Variants in TRIO observed in about 807,000 individuals in gnomAD.
TRIO encodes the protein triple functional domain protein.
Under a neutral mutation model 351.9 loss-of-function variants are expected in TRIO, and 58 were observed. The observed-to-expected ratio is 0.16, with a 90% CI of 0.13 to 0.21. TRIO has a LOEUF of 0.21. Among genes scored for constraint, TRIO ranks in the 10% least tolerant of loss-of-function variants. The pLI is 1.00. For missense variants in TRIO, 3,201 were observed against 4,027.8 expected (o/e 0.79, Z 5.56); for synonymous variants, 1,758 against 1,595.7 (o/e 1.10, Z -2.42).
At chr5:14,493,519 C>T (rs1267741143) in intron 49 of TRIO, among the ~76,000 whole-genome samples, 1 of 152,212 alleles carries the variant, frequency 6.6e-6, no homozygotes, top group Non-Finnish European at 1.5e-5. Context: ...GAACTGCACA[C>T]ATACAAGATG....
At chr5:14,364,892 A>C (rs921457039) in intron 15 of TRIO, 76 bp downstream of exon 15, 11 of 1,499,504 alleles carry the variant, frequency 7.3e-6, no homozygotes, top group Middle Eastern at 2.5e-4. Flanking sequence ...GGAAATTCTG[A>C]CCTGTAGCAT....
chr5:14,249,376 T>G (rs1334995496), intron 1 of TRIO, among the ~76,000 whole-genome samples: 2 of 152,092 alleles, frequency 1.3e-5, no homozygotes, highest in Non-Finnish European at 2.9e-5. Flanking sequence ...CAAATGCCAG[T>G]TTACAGAGTG....
intron 34 of TRIO, among the ~76,000 whole-genome samples, chr5:14,436,254 A>G (rs32692): frequency 0.51 from 77,423 of 152,110 alleles, 22,735 homozygotes; most frequent in African/African-American, 0.81. Flanking sequence ...CAGGCAAAGC[A>G]AGAGAGAGCT....
At chr5:14,263,607 T>C (rs1795482118) in intron 1 of TRIO, among the ~76,000 whole-genome samples, 1 of 152,208 alleles carries the variant, frequency 6.6e-6, no homozygotes, top group Non-Finnish European at 1.5e-5. Flanking sequence ...CCACTTGATA[T>C]GATGATCAAA....
intron 48 of TRIO, among the ~76,000 whole-genome samples, chr5:14,489,513 G>A (rs1037346386): frequency 1.2e-4 from 19 of 152,164 alleles, no homozygotes; most frequent in African/African-American, 2.2e-4. Context: ...GGCTATACCC[G>A]TCAGCACTTA....
chr5:14,268,569 G>A lies in TRIO; in HGVS notation c.158-2256G>A, dbSNP rs528345650. On this transcript the variant is annotated intron_variant, in intron 1 of 56. Coordinates refer to ENST00000344204, the MANE Select transcript of TRIO (RefSeq NM_007118.4). ...CCATGACGTGTGGGTGTGGACGTGG[G>A]AATGGTAGGAAGCATGCGTTTTCTC... Among the ~76,000 whole-genome samples the A allele has an allele frequency of 3.3e-5, 5 of 152,300 alleles. No homozygotes were observed. The South Asian group carries it at 1.0e-3, about 32-fold the overall frequency.
intron 43 of TRIO, 38 bp from the exon 44 acceptor site, chr5:14,481,196 T>G: frequency 6.3e-7 from 1 of 1,593,198 alleles, no homozygotes; most frequent in Non-Finnish European, 8.5e-7. Context: ...GCTGTTGTCT[T>G]TGTCACCATT....
intron 9 of TRIO, among the ~76,000 whole-genome samples, chr5:14,323,298 A>G (rs1740051082): frequency 6.6e-6 from 1 of 152,148 alleles, no homozygotes; most frequent in African/African-American, 2.4e-5. Flanking sequence ...AAGCCTTGGA[A>G]AAGTCGAATG....
At chr5:14,260,960 G>A (rs1451547164) in intron 1 of TRIO, among the ~76,000 whole-genome samples, 1 of 152,170 alleles carries the variant, frequency 6.6e-6, no homozygotes, top group Non-Finnish European at 1.5e-5. Context: ...TTGTTGGTGA[G>A]CAAGGCCCCT....
At chr5:14,147,142 A>G (rs932165177) in intron 1 of TRIO, among the ~76,000 whole-genome samples, 2 of 152,086 alleles carry the variant, frequency 1.3e-5, no homozygotes, top group Non-Finnish European at 2.9e-5. Flanking sequence ...ACCAATTTCA[A>G]TGCAAGAGCA....
intron 34 of TRIO, among the ~76,000 whole-genome samples, chr5:14,433,099 A>G (rs1180887121): frequency 6.6e-6 from 1 of 152,232 alleles, no homozygotes; most frequent in African/African-American, 2.4e-5. Context: ...ATGCTGGTGC[A>G]AACAGAGAAT....
intron 36 of TRIO, among the ~76,000 whole-genome samples, chr5:14,463,284 A>G (rs1753968113): frequency 1.3e-5 from 2 of 152,364 alleles, no homozygotes; most frequent in Non-Finnish European, 2.9e-5. Context: ...GTCTGAAGGC[A>G]TCACTAAATG....
chr5:14,336,103 A>T (rs1465277859), intron 10 of TRIO, among the ~76,000 whole-genome samples: 11 of 152,274 alleles, frequency 7.2e-5, no homozygotes, highest in Non-Finnish European at 1.5e-5. Flanking sequence ...TTTAACTTGT[A>T]CTTCGAGAAT....
At chr5:14,205,108 C>T (rs1791376072) in intron 1 of TRIO, among the ~76,000 whole-genome samples, 1 of 152,164 alleles carries the variant, frequency 6.6e-6, no homozygotes, top group African/African-American at 2.4e-5. Flanking sequence ...CAGGAGGGCA[C>T]AGGATTTTAT....
intron 13 of TRIO, among the ~76,000 whole-genome samples, chr5:14,360,854 T>C (rs1484044151): frequency 6.6e-6 from 1 of 152,226 alleles, no homozygotes; most frequent in Non-Finnish European, 1.5e-5. Flanking sequence ...CATTAGTGAA[T>C]AACAAGAAAG....
intron 34 of TRIO, among the ~76,000 whole-genome samples, chr5:14,460,161 C>A (rs572024981): frequency 6.6e-6 from 1 of 152,336 alleles, no homozygotes; most frequent in East Asian, 1.9e-4. Flanking sequence ...CGTGATCCAC[C>A]TGCCTCGGCC....
At chr5:14,232,881 C>T (rs1793535340) in intron 1 of TRIO, among the ~76,000 whole-genome samples, 1 of 152,210 alleles carries the variant, frequency 6.6e-6, no homozygotes, top group South Asian at 2.1e-4. Flanking sequence ...AGAGGACCAG[C>T]TGGTATCCAG....
intron 1 of TRIO, among the ~76,000 whole-genome samples, chr5:14,160,755 C>T (rs1211371370): frequency 1.3e-5 from 2 of 152,182 alleles, no homozygotes; most frequent in Non-Finnish European, 2.9e-5. Context: ...GCCTATTTTA[C>T]TTGTGTTACA....
chr5:14,316,405 T>C, intron 8 of TRIO, 108 bp from the exon 9 acceptor site: 3 of 1,060,774 alleles, frequency 2.8e-6, no homozygotes, highest in Non-Finnish European at 4.2e-6. Context: ...TGTGTACATG[T>C]ACGTGTGTGC....
Sources: allele counts gnomAD v4.1 joint callset (sites outside exome capture counted in the v4.1 genomes callset), GRCh38; gene constraint gnomAD v4.1.1; transcripts MANE v1.5; gene names NCBI Gene and HGNC (gene_info 2026-07-23, HGNC 2026-07-21).